Variants in NUDT5 observed in about 807,000 individuals in gnomAD.
NUDT5 encodes nudix hydrolase 5.
In NUDT5, 21 loss-of-function variants were observed where a neutral mutation model predicts 34.1. The ratio of observed to expected loss-of-function variants is 0.62; its 90% CI spans 0.44 to 0.89. The LOEUF is 0.89. NUDT5 is among the 40% of genes least tolerant of loss of function. NUDT5 has a pLI of 0.00. For synonymous variants in NUDT5, 85 were observed against 97.6 expected, an observed-to-expected ratio of 0.87 and a Z score of 0.76; for missense variants, 249 against 274.8, an observed-to-expected ratio of 0.91 and a Z score of 0.66.
rs774175942 is a variant in NUDT5, at chr10:12,167,677, A to G, written c.*25T>C. 1.3e-5 allele frequency: 21 copies of G among 1,610,454 alleles called. No homozygotes were observed. Among genetic ancestry groups the G allele is most frequent in the Non-Finnish European group, 1.8e-5 (21 of 1,177,492 alleles). ...AGAAGGCCTGGTGGTCTCGTTTACA[A>G]AAATGGCCAGTGTCATATTTGGGCT... On this transcript the variant is annotated 3_prime_UTR_variant, in exon 10 of 10. Transcript: ENST00000491614.
In NUDT5 at chr10:12,175,538, A is replaced by G. The variant is rs941275473; in HGVS notation, c.290-1725T>C. Among the ~76,000 whole-genome samples the G allele has an allele frequency of 6.6e-6, 1 of 152,022 alleles. No individual in the cohort carries two copies. Among genetic ancestry groups the G allele is most frequent in the African/African-American group, 2.4e-5 (1 of 41,358 alleles). On this transcript the variant is annotated intron_variant, in intron 5 of 9. Coordinates refer to ENST00000491614, the MANE Select transcript of NUDT5 (RefSeq NM_014142.4). The surrounding 1 kb of genome is among the most constrained non-coding windows in gnomAD (Gnocchi z 4.8). ...ACGCCTGCAGACCCAGCTACCCAGGAAGCCAAGGCAGGAGGATCACTTGAG... is the reference window on the plus strand; with the variant it reads ...ACGCCTGCAGACCCAGCTACCCAGGGAGCCAAGGCAGGAGGATCACTTGAG...
Position 12,173,939 on chromosome 10 carries a change from C to T in NUDT5, c.290-126G>A, listed in dbSNP as rs370810083. 89 of 683,802 alleles carry T rather than the reference C, an allele frequency of 1.3e-4. No individual in the cohort carries two copies. Among genetic ancestry groups the T allele is most frequent in the Admixed American group, 2.2e-4 (10 of 46,392 alleles). The allele number at this position is 683,802 out of a possible 1,614,324, so 42.4% of individuals were successfully genotyped here. ...TGGAGTGCAGTGGTGCGATCTCGGC[C>T]CACTGCAACCTCCGCCCGTCCAGGT... On this transcript the variant is annotated intron_variant, in intron 5 of 9. Coordinates refer to ENST00000491614, the MANE Select transcript of NUDT5 (RefSeq NM_014142.4). This position sits in a 1 kb window ranked among gnomAD's most constrained non-coding sequence, Gnocchi z 4.7.
rs1834938416 is a variant in NUDT5, at chr10:12,175,734, A to G, written c.290-1921T>C. Among the ~76,000 whole-genome samples, 1 of 151,882 alleles carries G rather than the reference A, an allele frequency of 6.6e-6. No homozygotes were observed. The highest frequency in any genetic ancestry group is 6.6e-5 in the Admixed American group (1 of 15,254). On this transcript the variant is annotated intron_variant, in intron 5 of 9. Transcript: ENST00000491614. The surrounding 1 kb of genome is among the most constrained non-coding windows in gnomAD (Gnocchi z 4.8). ...GATCACTTGAGCCAAGGAGTTAGAG[A>G]TCAGCCTGGGCAACATGGCAAAACC...
rs1399770837 is a variant in NUDT5 at position 12,167,128 on chromosome 10, G to A, written c.*574C>T. 6.3e-6 allele frequency: 1 copy of A among 158,792 alleles called. No homozygotes were observed. Among genetic ancestry groups the A allele is most frequent in the African/African-American group, 2.4e-5 (1 of 41,432 alleles). 9.8% of individuals were successfully genotyped at this position (158,792 alleles called of 1,614,324 possible). A position where few individuals can be genotyped will look rare whatever the true frequency, so the allele number is the denominator to read the frequency against. ...AACCGTTTTCCTTACTTAAAAGCTG[G>A]TTCAGCCTCAGTAAATAGATGAACT... On this transcript the variant is annotated 3_prime_UTR_variant, in exon 10 of 10. Transcript: ENST00000491614.
rs1286065466 is a variant in NUDT5, at chr10:12,175,148, T to C, written c.290-1335A>G. 4.0e-5 allele frequency among the ~76,000 whole-genome samples: 6 copies of C among 150,944 alleles called. No individual in the cohort carries two copies. The highest frequency in any genetic ancestry group is 8.9e-5 in the Non-Finnish European group (6 of 67,580). The stretch of plus-strand genomic sequence containing the variant: ...CAGCCTGGCCAACATGGTGAAACCC[T>C]GTCTCCACTAAAAATACAAAAAATT... On this transcript the variant is annotated intron_variant, in intron 5 of 9. Coordinates refer to ENST00000491614, the MANE Select transcript of NUDT5 (RefSeq NM_014142.4). This position sits in a 1 kb window ranked among gnomAD's most constrained non-coding sequence, Gnocchi z 4.8.
Position 12,182,894 on chromosome 10 carries a change from G to A in NUDT5, c.131+1995C>T, listed in dbSNP as rs1468077417. On this transcript the variant is annotated intron_variant, in intron 3 of 9. Coordinates refer to ENST00000491614, the MANE Select transcript of NUDT5 (RefSeq NM_014142.4). This position sits in a 1 kb window ranked among gnomAD's most constrained non-coding sequence, Gnocchi z 4.3. ...TGGGATTACAGGCGCATGCCACCAC[G>A]CTGGGCTAATTTTTGTATTTTTAGT... 2.6e-5 allele frequency among the ~76,000 whole-genome samples: 4 copies of A among 152,112 alleles called. No homozygotes were observed. The highest frequency in any genetic ancestry group is 5.9e-5 in the Non-Finnish European group (4 of 68,026).
At chr10:12,178,838 A>AG (rs1834998512) in intron 4 of NUDT5, among the ~76,000 whole-genome samples, 2 of 152,238 alleles carry the variant, frequency 1.3e-5, no homozygotes, top group African/African-American at 4.8e-5. Context: ...AACTATATTG[A>AG]TTTACATTTA....
At chr10:12,179,568 T>A (rs1459152766) in intron 3 of NUDT5, among the ~76,000 whole-genome samples, 1 of 152,212 alleles carries the variant, frequency 6.6e-6, no homozygotes, top group Non-Finnish European at 1.5e-5. Flanking sequence ...GATTTTCATA[T>A]CATTTTGATT....
At chr10:12,176,526 C>G (rs1401519835) in intron 5 of NUDT5, among the ~76,000 whole-genome samples, 3 of 151,986 alleles carry the variant, frequency 2.0e-5, no homozygotes, top group Admixed American at 6.6e-5. Context: ...ATCACTTGAA[C>G]CCGGGAGGTG....
rs995521304 is a variant in NUDT5 at position 12,171,812 on chromosome 10, C to T, written c.488-904G>A. On this transcript the variant is annotated intron_variant, in intron 7 of 9. Coordinates refer to ENST00000491614, the MANE Select transcript of NUDT5 (RefSeq NM_014142.4). This position sits in a 1 kb window ranked among gnomAD's most constrained non-coding sequence, Gnocchi z 4.2. ...TGATCTTGACTCACTGCAACCTCCGCCTCCTGGGTTCAAGTGATTCTTGTG... is the reference window on the plus strand; with the variant it reads ...TGATCTTGACTCACTGCAACCTCCGTCTCCTGGGTTCAAGTGATTCTTGTG... Among the ~76,000 whole-genome samples, 7 of 151,568 alleles carry T rather than the reference C, an allele frequency of 4.6e-5. No individual in the cohort carries two copies. Among genetic ancestry groups the T allele is most frequent in the African/African-American group, 1.7e-4 (7 of 41,190 alleles).
chr10:12,178,919 C>T (rs1176684326), intron 4 of NUDT5, 164 bp downstream of exon 4: 1 of 635,572 alleles, frequency 1.6e-6, no homozygotes, highest in Non-Finnish European at 2.8e-6. Flanking sequence ...CCAGAAGTTA[C>T]TTATAAAGAA....
At chr10:12,179,557 A>G (rs1336287663) in intron 3 of NUDT5, among the ~76,000 whole-genome samples, 1 of 152,252 alleles carries the variant, frequency 6.6e-6, no homozygotes, top group Non-Finnish European at 1.5e-5. Flanking sequence ...TGAACTATTG[A>G]GATTTTCATA....
At position 12,175,558 on chromosome 10, in the gene NUDT5, C is replaced by T. The variant is rs1039528672; in HGVS notation, c.290-1745G>A. ...CCAGGAAGCCAAGGCAGGAGGATCA[C>T]TTGAGCCCAGAAGGTCAAGGCTGCA... On this transcript the variant is annotated intron_variant, in intron 5 of 9. Transcript: ENST00000491614. The surrounding 1 kb of genome is among the most constrained non-coding windows in gnomAD (Gnocchi z 4.8). Among the ~76,000 whole-genome samples, 9 of 152,206 alleles carry T rather than the reference C, an allele frequency of 5.9e-5. No homozygotes were observed. In the South Asian group the frequency reaches 1.9e-3, roughly 32 times the overall value.
chr10:12,189,629 T>C (rs1283767834), intron 1 of NUDT5, among the ~76,000 whole-genome samples: 3 of 152,262 alleles, frequency 2.0e-5, no homozygotes, highest in Admixed American at 6.5e-5. Context: ...AGAAGCCAAA[T>C]AGTGCCATTC....
intron 1 of NUDT5, among the ~76,000 whole-genome samples, chr10:12,192,440 T>C (rs1275276078): frequency 6.6e-6 from 1 of 152,226 alleles, no homozygotes; most frequent in Admixed American, 6.5e-5. Flanking sequence ...CAATCTACAT[T>C]CTGGCAGAAT....
intron 1 of NUDT5, among the ~76,000 whole-genome samples, chr10:12,186,591 G>A (rs1392271765): frequency 1.3e-5 from 2 of 151,650 alleles, no homozygotes; most frequent in Non-Finnish European, 2.9e-5. Context: ...TAGGCACTTA[G>A]AGGCCACCCT....
chr10:12,174,189 C>A (rs901555960), intron 5 of NUDT5, among the ~76,000 whole-genome samples: 3 of 150,884 alleles, frequency 2.0e-5, no homozygotes, highest in Admixed American at 2.0e-4. Context: ...TTGTAACACA[C>A]CTGCTGCTGC....
intron 5 of NUDT5, among the ~76,000 whole-genome samples, chr10:12,174,307 C>T (rs1834913927): frequency 6.7e-6 from 1 of 149,306 alleles, no homozygotes; most frequent in Non-Finnish European, 1.5e-5. Context: ...CACACTGTTG[C>T]CCAGGCTGGA....
In NUDT5 at chr10:12,172,853, G is replaced by A. The variant is rs773216039; in HGVS notation, c.399C>T (p.Asp133=). 1.2e-6 allele frequency: 2 copies of A among 1,613,692 alleles called. No individual in the cohort carries two copies. Among genetic ancestry groups the A allele is most frequent in the Non-Finnish European group, 1.7e-6 (2 of 1,179,542 alleles). The part of the protein sequence containing the change: ...IAECSPAVCM[D]PGLSNCTIHI... ...GTATAGTACAGTTTGACAAGCCTGG[G>A]TCCATACAGACCGCTGTGGAGAGAA... Residue 133 remains aspartate (D), a synonymous_variant, in exon 7 of 10, where the codon GAC becomes GAT. Coordinates refer to ENST00000491614, the MANE Select transcript of NUDT5 (RefSeq NM_014142.4).
Sources: gnomAD v4.1 joint callset for allele counts (sites outside exome capture counted in the v4.1 genomes callset) on GRCh38, gnomAD v4.1.1 for gene constraint, Gnocchi (gnomAD v3.1) non-coding constraint, MANE v1.5 for transcripts, NCBI Gene and HGNC (gene_info 2026-07-23, HGNC 2026-07-21) for gene names.